The following TECR variants were observed in gnomAD, a reference collection of about 807,000 sequenced individuals.
The protein encoded by TECR is very-long-chain enoyl-CoA reductase.
Under a neutral mutation model 50.6 loss-of-function variants are expected in TECR, and 19 were observed. The ratio of observed to expected loss-of-function variants is 0.38; its 90% CI spans 0.26 to 0.55. The LOEUF (loss-of-function observed/expected upper bound fraction) is 0.55. Among genes scored for constraint, TECR ranks in the 20% least tolerant of loss-of-function variants. The pLI, the probability that TECR is intolerant of heterozygous loss-of-function variation, is 0.79. For synonymous variants in TECR, 168 were observed against 163.5 expected (o/e 1.03, Z -0.21); for missense variants, 313 against 408.3 (o/e 0.77, Z 2.01).
At position 14,563,670 on chromosome 19, in the gene TECR, A is replaced by G. The variant is rs746765941; in HGVS notation, c.131A>G (p.Tyr44Cys). 6.2e-7 allele frequency: 1 copy of G among 1,606,702 alleles called. No individual in the cohort carries two copies. The highest frequency in any genetic ancestry group is 1.1e-5 in the South Asian group (1 of 90,562). ...NLFTKTHPQWYPARQSLRLDP... is the reference protein window; with the variant it reads ...NLFTKTHPQWCPARQSLRLDP... ...GTTCTCCCCGCAGATCCGCAGTGGT[A>G]CCCCGCCCGCCAGTCCCTCCGCCTG... The change falls in exon 4 of 13, where the codon TAC (tyrosine) becomes TGC (cysteine). Residue 44 changes from tyrosine to cysteine, a missense_variant. Physicochemically the swap from Tyr to Cys is radical, Grantham distance 194. Transcript: ENST00000215567. The surrounding 1 kb of genome is among the most constrained non-coding windows in gnomAD (Gnocchi z 5.3).
intron 1 of TECR, among the ~76,000 whole-genome samples, chr19:14,551,792 G>C (rs189135657): frequency 6.6e-6 from 1 of 152,138 alleles, no homozygotes; most frequent in Non-Finnish European, 1.5e-5. Context: ...CTGGAGGATC[G>C]CATCCAGGGT....
chr19:14,563,729 C>A lies in TECR; in HGVS notation c.163+27C>A, dbSNP rs1270821063. ...TGAGTACAGCTGTCCACTCGGCCCG[C>A]CCCCTGGGCTCCTGGGTGGCAGTGG... On this transcript the variant is annotated intron_variant, in intron 4 of 12. Coordinates refer to ENST00000215567, the MANE Select transcript of TECR (RefSeq NM_138501.6). The surrounding 1 kb of genome is among the most constrained non-coding windows in gnomAD (Gnocchi z 5.3). 1 of 1,613,120 alleles carries A rather than the reference C, an allele frequency of 6.2e-7. No homozygotes were observed. The highest frequency in any genetic ancestry group is 8.5e-7 in the Non-Finnish European group (1 of 1,179,908).
intron 1 of TECR, among the ~76,000 whole-genome samples, chr19:14,557,020 T>C (rs1004186271): frequency 1.2e-4 from 19 of 152,176 alleles, no homozygotes; most frequent in African/African-American, 4.3e-4. Context: ...TTCAAGAGCA[T>C]GGTCAGCGTC....
At chr19:14,565,578 T>C in intron 11 of TECR, 40 bp from the exon 12 acceptor site, 1 of 1,594,166 alleles carries the variant, frequency 6.3e-7, no homozygotes, top group Admixed American at 1.7e-5. Context: ...ATACACGGGT[T>C]GCGAGGCTGC....
At chr19:14,535,572 ATATATATATATATATATGTATGTATATAT>A (rs2072863250) in intron 1 of TECR, among the ~76,000 whole-genome samples, 1 of 31,742 alleles carries the variant, frequency 3.2e-5, no homozygotes, top group East Asian at 7.2e-4. Flanking sequence ...ATATATATAT[ATATATATATATATATATGTATGTATATAT>A]AAATTAGCCA....
intron 1 of TECR, among the ~76,000 whole-genome samples, chr19:14,546,169 C>A (rs536972409): frequency 6.6e-6 from 1 of 152,072 alleles, no homozygotes; most frequent in Admixed American, 6.6e-5. Context: ...ATGGGGGCGG[C>A]GCTGGGGGCT....
rs1463687178 is a variant in TECR at position 14,563,279 on chromosome 19, A to T, written c.118+22A>T. 6.3e-7 allele frequency: 1 copy of T among 1,599,396 alleles called. No individual in the cohort carries two copies. The highest frequency in any genetic ancestry group is 8.6e-7 in the Non-Finnish European group (1 of 1,166,758). On this transcript the variant is annotated intron_variant, in intron 3 of 12. Coordinates refer to ENST00000215567, the MANE Select transcript of TECR (RefSeq NM_138501.6). This position sits in a 1 kb window ranked among gnomAD's most constrained non-coding sequence, Gnocchi z 5.3. ...ACCCGTGAGTTCTAGTCCCGGCCAC[A>T]CTGCCCCTGCAACCCCTTTGACCAG...
chr19:14,565,316 G>C, intron 11 of TECR, 26 bp downstream of exon 11: 1 of 1,611,502 alleles, frequency 6.2e-7, no homozygotes, highest in Non-Finnish European at 8.5e-7. Flanking sequence ...ACCCCTCTCT[G>C]CCCTGGGACT....
intron 1 of TECR, among the ~76,000 whole-genome samples, chr19:14,543,161 T>A (rs1201299316): frequency 6.6e-6 from 1 of 150,504 alleles, no homozygotes; most frequent in Non-Finnish European, 1.5e-5. Flanking sequence ...GAGCTGAGCC[T>A]CCAGGCTCCT....
rs950429148 is a variant in TECR, at chr19:14,563,384, C to T, written c.118+127C>T. Reference sequence around the variant, plus strand: ...AGATGCCCCAGTGTGGCCCAGGCTTCTGGGGCGTGACTGGGGCAGGCGCCT... The same window carrying T: ...AGATGCCCCAGTGTGGCCCAGGCTTTTGGGGCGTGACTGGGGCAGGCGCCT... On this transcript the variant is annotated intron_variant, in intron 3 of 12. Transcript: ENST00000215567. This position sits in a 1 kb window ranked among gnomAD's most constrained non-coding sequence, Gnocchi z 5.3. The T allele has an allele frequency of 1.3e-5, 13 of 1,015,320 alleles. No individual in the cohort carries two copies. Among genetic ancestry groups the T allele is most frequent in the Middle Eastern group, 2.1e-4 (1 of 4,802 alleles). The allele number at this position is 1,015,320 out of a possible 1,614,324, so 62.9% of individuals were successfully genotyped here.
intron 1 of TECR, among the ~76,000 whole-genome samples, chr19:14,540,681 C>T (rs900080295): frequency 6.6e-6 from 1 of 150,810 alleles, no homozygotes; most frequent in Admixed American, 6.6e-5. Context: ...CATGAGCCAC[C>T]GTGCCTGGCC....
chr19:14,541,638 G>T (rs1297209568), intron 1 of TECR, among the ~76,000 whole-genome samples: 1 of 152,172 alleles, frequency 6.6e-6, no homozygotes, highest in Non-Finnish European at 1.5e-5. Flanking sequence ...TGGGGCCAGG[G>T]AGGAGAATGG....
upstream of TECR, among the ~76,000 whole-genome samples, chr19:14,528,746 C>T (rs2072499286): frequency 6.6e-6 from 1 of 151,702 alleles, no homozygotes; most frequent in Non-Finnish European, 1.5e-5. Flanking sequence ...TCAAGACCAG[C>T]CTGGCCAACC....
chr19:14,530,645 C>G (rs960146596), intron 1 of TECR: 4 of 152,096 alleles, frequency 2.6e-5, no homozygotes, highest in African/African-American at 9.7e-5. Flanking sequence ...TTAGTAAATG[C>G]AAAACAGATA....
At position 14,565,797 on chromosome 19, in the gene TECR, A is replaced by G. The variant is rs1306368190; in HGVS notation, c.853A>G (p.Lys285Glu). 4.4e-6 allele frequency: 7 copies of G among 1,606,510 alleles called. No individual in the cohort carries two copies. The highest frequency in any genetic ancestry group is 5.9e-6 in the Non-Finnish European group (7 of 1,177,402). ...CCAGATGACCATCTGGGCCAAGGGC[A>G]AGCACCGCAGCTACCTGAAGGAGTT... ...FTQMTIWAKG[K>E]HRSYLKEFRD... Residue 285 changes from lysine to glutamate, a missense_variant, in exon 13 of 13, where the codon AAG (lysine) becomes GAG (glutamate). Lys to Glu is a moderately conservative substitution (Grantham distance 56, BLOSUM62 1). Coordinates refer to ENST00000215567, the MANE Select transcript of TECR (RefSeq NM_138501.6).
chr19:14,549,567 T>C (rs1431518257), intron 1 of TECR, among the ~76,000 whole-genome samples: 1 of 151,988 alleles, frequency 6.6e-6, no homozygotes, highest in Non-Finnish European at 1.5e-5. Flanking sequence ...GCTCAAGTGA[T>C]CCTCCTGCCC....
At chr19:14,560,173 G>A (rs1347020316) in intron 1 of TECR, among the ~76,000 whole-genome samples, 2 of 152,224 alleles carry the variant, frequency 1.3e-5, no homozygotes, top group East Asian at 3.9e-4. Context: ...CCGGGACCCC[G>A]ATGGCCGTAC....
Position 14,564,841 on chromosome 19 carries a change from C to T in TECR, c.545C>T (p.Pro182Leu), listed in dbSNP as rs199469705. The T allele has an allele frequency of 1.9e-6, 3 of 1,613,906 alleles. No individual in the cohort carries two copies. The highest frequency in any genetic ancestry group is 2.5e-6 in the Non-Finnish European group (3 of 1,180,010). The change falls in exon 8 of 13, where the codon CCT (proline) becomes CTT (leucine). Residue 182 changes from proline to leucine, a missense_variant. By Grantham distance (98) the Pro-to-Leu change is moderately conservative. Transcript: ENST00000215567. Reference sequence around the variant, plus strand: ...TGGATGGCCTATTACATCAATCACCCTCTCTACACTCCCCCTAGTAAGTGG... The same window carrying T: ...TGGATGGCCTATTACATCAATCACCTTCTCTACACTCCCCCTAGTAAGTGG... ...AAWMAYYINH[P>L]LYTPPTYGAQ...
At chr19:14,549,421 C>A (rs953423776) in intron 1 of TECR, among the ~76,000 whole-genome samples, 1 of 152,066 alleles carries the variant, frequency 6.6e-6, no homozygotes, top group South Asian at 2.1e-4. Flanking sequence ...CCATATTGGC[C>A]AGGCTAGTCT....
Sources: allele counts gnomAD v4.1 joint callset (sites outside exome capture counted in the v4.1 genomes callset), GRCh38; gene constraint gnomAD v4.1.1; non-coding constraint Gnocchi (gnomAD v3.1); transcripts MANE v1.5; gene names NCBI Gene and HGNC (gene_info 2026-07-23, HGNC 2026-07-21).